DLG1: variants seen among roughly 807,000 people sequenced by gnomAD.
DLG1 encodes the protein disks large homolog 1.
Under a neutral mutation model 123.4 loss-of-function variants are expected in DLG1, and 42 were observed. The observed-to-expected ratio is 0.34, with a 90% confidence interval of 0.27 to 0.44. DLG1 has a LOEUF of 0.44. Ranked by LOEUF, DLG1 falls within the 20% of genes least tolerant of loss-of-function variation. The pLI is 1.00. For missense variants in DLG1, 942 were observed against 1,082.6 expected, an observed-to-expected ratio of 0.87 and a Z score of 1.82; for synonymous variants, 317 against 356.2, an observed-to-expected ratio of 0.89 and a Z score of 1.24.
At chr3:197,130,314 A>G (rs955052278) in intron 11 of DLG1, among the ~76,000 whole-genome samples, 5 of 152,088 alleles carry the variant, frequency 3.3e-5, no homozygotes, top group Non-Finnish European at 5.9e-5. Context: ...CTACTACTAT[A>G]AAATAATAAA....
At chr3:197,118,107 A>G (rs1195710883) in intron 12 of DLG1, among the ~76,000 whole-genome samples, 1 of 152,188 alleles carries the variant, frequency 6.6e-6, no homozygotes, top group Non-Finnish European at 1.5e-5. Flanking sequence ...GGAGTGGTTC[A>G]TACTTAAAAG....
intron 4 of DLG1, among the ~76,000 whole-genome samples, chr3:197,265,712 G>A (rs1169647505): frequency 6.6e-6 from 1 of 152,196 alleles, no homozygotes; most frequent in Admixed American, 6.5e-5. Flanking sequence ...ATACTGGGCA[G>A]TGGGGATAGC....
At chr3:197,046,522 C>T (rs1344721636) in intron 24 of DLG1, among the ~76,000 whole-genome samples, 1 of 152,088 alleles carries the variant, frequency 6.6e-6, no homozygotes, top group African/African-American at 2.4e-5. Flanking sequence ...GAACCTAAAT[C>T]GAATTATGAG....
intron 13 of DLG1, among the ~76,000 whole-genome samples, chr3:197,108,648 G>A (rs1024588052): frequency 1.3e-5 from 2 of 151,928 alleles, no homozygotes; most frequent in East Asian, 1.9e-4. Flanking sequence ...TTCTTCAAGC[G>A]TCCTTTGATA....
chr3:197,066,740 A>G lies in DLG1; in HGVS notation c.2062T>C (p.Tyr688His), dbSNP rs750587478. ...SESSYRGQEE[Y>H]VLSYEPVNQQ... ...TTCACTGGTTCATAAGATAAGACGT[A>G]TTCTTCTTGACCACCTATTAGAAAG... The change falls in exon 20 of 25, where the codon TAC becomes CAC. Residue 688 changes from tyrosine to histidine, a missense_variant. Coordinates refer to ENST00000667157, the MANE Select transcript of DLG1 (RefSeq NM_001366207.1). 1 of 1,603,266 alleles carries G rather than the reference A, an allele frequency of 6.2e-7. No individual in the cohort carries two copies. Among genetic ancestry groups the G allele is most frequent in the African/African-American group, 1.3e-5 (1 of 74,660 alleles).
At chr3:197,229,784 G>A (rs578094258) in intron 4 of DLG1, among the ~76,000 whole-genome samples, 3 of 152,282 alleles carry the variant, frequency 2.0e-5, no homozygotes, top group East Asian at 1.9e-4. Context: ...CTTAACAAGC[G>A]TAATCGCCTT....
intron 17 of DLG1, chr3:197,078,469 T>A (rs1748751202): frequency 6.6e-6 from 1 of 152,188 alleles, no homozygotes; most frequent in East Asian, 1.9e-4. Context: ...GATTAATAAG[T>A]TCACAGTTCA....
chr3:197,161,914 G>A (rs1798935679), intron 5 of DLG1, among the ~76,000 whole-genome samples: 1 of 152,094 alleles, frequency 6.6e-6, no homozygotes, highest in East Asian at 1.9e-4. Context: ...AATTGTTTTA[G>A]AAAGTTATAC....
chr3:197,209,548 A>G (rs1368638851), intron 4 of DLG1, among the ~76,000 whole-genome samples: 1 of 146,646 alleles, frequency 6.8e-6, no homozygotes, highest in Non-Finnish European at 1.5e-5. Context: ...GATAAACAAC[A>G]CTTAACAACT....
At chr3:197,188,084 G>A (rs191576057) in intron 5 of DLG1, among the ~76,000 whole-genome samples, 1 of 152,190 alleles carries the variant, frequency 6.6e-6, no homozygotes, top group East Asian at 1.9e-4. Context: ...TTCACGGCAT[G>A]TTTCATGGTG....
intron 7 of DLG1, 115 bp downstream of exon 7, chr3:197,142,603 G>A (rs1788583914): frequency 1.4e-6 from 1 of 692,716 alleles, no homozygotes; most frequent in Admixed American, 3.9e-5. Flanking sequence ...TATGAACTGG[G>A]AACTTAGAAA....
At chr3:197,206,864 C>T (rs918280720) in intron 4 of DLG1, among the ~76,000 whole-genome samples, 5 of 151,608 alleles carry the variant, frequency 3.3e-5, no homozygotes, top group Admixed American at 2.6e-4. Flanking sequence ...AACGATATAC[C>T]AACAATAAAC....
intron 4 of DLG1, among the ~76,000 whole-genome samples, chr3:197,226,891 A>G (rs548895225): frequency 7.9e-5 from 12 of 152,340 alleles, no homozygotes; most frequent in African/African-American, 2.4e-4. Flanking sequence ...ATCATTAACT[A>G]ATTACATTCA....
chr3:197,218,562 GTTA>G (rs1442504177), intron 4 of DLG1, among the ~76,000 whole-genome samples: 1 of 152,118 alleles, frequency 6.6e-6, no homozygotes, highest in Non-Finnish European at 1.5e-5. Context: ...TATCAAACAA[GTTA>G]TTATTTTCTA....
intron 5 of DLG1, among the ~76,000 whole-genome samples, chr3:197,180,950 C>G (rs1480174998): frequency 6.6e-6 from 1 of 152,076 alleles, no homozygotes; most frequent in Non-Finnish European, 1.5e-5. Context: ...CATGCCAAAC[C>G]CTAACTGAGA....
chr3:197,193,162 TA>T (rs1208070855), intron 5 of DLG1, among the ~76,000 whole-genome samples: 1 of 152,078 alleles, frequency 6.6e-6, no homozygotes, highest in Non-Finnish European at 1.5e-5. Context: ...AACAAAGGAT[TA>T]ATATTCAGAA....
rs375841391 is a variant in DLG1 at position 197,114,987 on chromosome 3, G to GAA, written c.1443+938_1443+939dup. Among the ~76,000 whole-genome samples the GAA allele has an allele frequency of 1.5e-3, 128 of 86,048 alleles. 1 individual carries two copies. The highest frequency in any genetic ancestry group is 2.3e-3 in the Non-Finnish European group (111 of 47,612). 56.5% of individuals were successfully genotyped at this position (86,048 alleles called of 152,430 possible). A position where few individuals can be genotyped will look rare whatever the true frequency, so the allele number is the denominator to read the frequency against. ...CAACAGAGCGAGACTCCATCTCAAG[G>GAA]AAAAAAAAAAAAAAAAAAAAAAAGG... is the stretch of plus-strand genomic sequence containing the variant. On this transcript the variant is annotated intron_variant, in intron 13 of 24. Transcript: ENST00000667157.
intron 18 of DLG1, among the ~76,000 whole-genome samples, chr3:197,072,556 C>T (rs1744625414): frequency 6.6e-6 from 1 of 151,832 alleles, no homozygotes; most frequent in Admixed American, 6.6e-5. Context: ...CACTCTTGCC[C>T]AGTTTTCTAA....
chr3:197,136,736 A>C, intron 9 of DLG1, 58 bp from the exon 10 acceptor site: 1 of 1,455,276 alleles, frequency 6.9e-7, no homozygotes, highest in Non-Finnish European at 9.3e-7. Flanking sequence ...GCCCAGAAAG[A>C]AATGGTTGAA....
Sources: allele counts gnomAD v4.1 joint callset (sites outside exome capture counted in the v4.1 genomes callset), GRCh38; gene constraint gnomAD v4.1.1; transcripts MANE v1.5; gene names NCBI Gene and HGNC (gene_info 2026-07-23, HGNC 2026-07-21).